The following TLE2 variants were observed in gnomAD, a reference collection of about 807,000 sequenced individuals.
The protein encoded by TLE2 is transducin-like enhancer protein 2.
In TLE2, 74 loss-of-function variants were observed where a neutral mutation model predicts 97.2. The observed-to-expected ratio is 0.76, with a 90% CI of 0.63 to 0.92. TLE2 has a LOEUF of 0.92. Among genes scored for constraint, TLE2 ranks in the 40% least tolerant of loss-of-function variants. The pLI is 0.00. For synonymous variants in TLE2, 499 were observed against 432.1 expected (o/e 1.15, Z -1.92); for missense variants, 1,038 against 1,008.7 (o/e 1.03, Z -0.39).
Position 2,998,899 on chromosome 19 carries a change from G to A in TLE2, c.2125-944C>T, listed in dbSNP as rs114201443. Among the ~76,000 whole-genome samples, 756 of 152,312 alleles carry A rather than the reference G, an allele frequency of 5.0e-3. 13 individuals carry two copies. Among genetic ancestry groups the A allele is most frequent in the African/African-American group, 0.017 (690 of 41,568 alleles). ...GGGCCAAGGCAATGGCTTAGACCAGGGATCAGCAAACTTCACAAAGGGCCT... is the reference window on the plus strand; with the variant it reads ...GGGCCAAGGCAATGGCTTAGACCAGAGATCAGCAAACTTCACAAAGGGCCT... On this transcript the variant is annotated intron_variant, in intron 19 of 19. Coordinates refer to ENST00000262953, the MANE Select transcript of TLE2 (RefSeq NM_003260.5).
chr19:3,010,990 T>C, intron 12 of TLE2, 32 bp downstream of exon 12: 2 of 1,589,116 alleles, frequency 1.3e-6, no homozygotes, highest in Non-Finnish European at 1.7e-6. Context: ...CGAGGCCTGC[T>C]CCAGACAGGC....
intron 11 of TLE2, among the ~76,000 whole-genome samples, chr19:3,012,127 T>C (rs962009519): frequency 6.6e-6 from 1 of 151,402 alleles, no homozygotes; most frequent in African/African-American, 2.4e-5. Flanking sequence ...GTGCCTGTAG[T>C]CCCAGCTACC....
Position 3,006,784 on chromosome 19 carries a change from T to C in TLE2, c.1251-115A>G. ...TGGCACCCTCTGATGTGTTTTTTAT[T>C]TTTTGTTTTGTTTTTTGAGAGGGAG... is the stretch of plus-strand genomic sequence containing the variant. On this transcript the variant is annotated intron_variant, in intron 14 of 19. Transcript: ENST00000262953. 4.2e-6 allele frequency: 6 copies of C among 1,425,732 alleles called. 1 individual carries two copies. In the South Asian group the frequency reaches 9.0e-5, roughly 21 times the overall value. 88.3% of individuals were successfully genotyped at this position (1,425,732 alleles called of 1,614,324 possible).
intron 17 of TLE2, 68 bp downstream of exon 17, chr19:3,005,362 GGCACCTC>G: frequency 6.5e-7 from 1 of 1,544,938 alleles, no homozygotes. Context: ...TCTGGAAGTG[GGCACCTC>G]ACAAGGAGAG....
intron 7 of TLE2, among the ~76,000 whole-genome samples, chr19:3,018,539 C>T (rs1185187902): frequency 2.0e-5 from 3 of 151,978 alleles, no homozygotes; most frequent in Admixed American, 6.6e-5. Flanking sequence ...GTGATCTGCC[C>T]GCCTCGGTCT....
chr19:3,022,255 C>T (rs1217020332), intron 5 of TLE2, among the ~76,000 whole-genome samples: 1 of 152,026 alleles, frequency 6.6e-6, no homozygotes, highest in East Asian at 1.9e-4. Context: ...GGTGCGGTGG[C>T]TCACGCGTGT....
At chr19:3,015,892 T>C (rs1340594100) in intron 8 of TLE2, 132 bp from the exon 9 acceptor site, 1 of 729,794 alleles carries the variant, frequency 1.4e-6, no homozygotes, top group Non-Finnish European at 2.4e-6. Flanking sequence ...ATCTGGGAAA[T>C]GGGAGCTTCC....
chr19:3,017,361 C>T (rs1336650274), intron 8 of TLE2, among the ~76,000 whole-genome samples: 2 of 151,858 alleles, frequency 1.3e-5, no homozygotes, highest in Non-Finnish European at 2.9e-5. Context: ...TGCTTTTGAA[C>T]TCCTGGCCTC....
chr19:3,042,425 G>A (rs1426152912), intron 1 of TLE2, among the ~76,000 whole-genome samples: 2 of 127,508 alleles, frequency 1.6e-5, no homozygotes, highest in Admixed American at 1.5e-4. Context: ...CTGGGAGGAC[G>A]GTGGGCCTGG....
At chr19:3,024,282 A>T (rs1390775030) in intron 5 of TLE2, among the ~76,000 whole-genome samples, 2 of 151,954 alleles carry the variant, frequency 1.3e-5, no homozygotes, top group Non-Finnish European at 2.9e-5. Context: ...CTGGGATTAC[A>T]GGCAGGAGCC....
intron 1 of TLE2, among the ~76,000 whole-genome samples, chr19:3,034,445 C>G (rs970386847): frequency 2.6e-5 from 4 of 151,834 alleles, no homozygotes; most frequent in African/African-American, 9.7e-5. Context: ...CTTCCTCCAC[C>G]AGATCACACC....
intron 1 of TLE2, among the ~76,000 whole-genome samples, chr19:3,039,555 CCCT>C (rs2090085295): frequency 6.6e-6 from 1 of 152,142 alleles, no homozygotes; most frequent in Non-Finnish European, 1.5e-5. Context: ...AGAGTAGCTC[CCCT>C]CCTCCTACCT....
intron 12 of TLE2, 73 bp from the exon 13 acceptor site, chr19:3,009,775 C>G (rs2089553738): frequency 1.3e-6 from 2 of 1,517,652 alleles, no homozygotes; most frequent in African/African-American, 2.8e-5. Context: ...CTTGGGAGCT[C>G]CCTGGCCTTT....
chr19:2,999,281 CA>C (rs998852420), intron 19 of TLE2, among the ~76,000 whole-genome samples: 5 of 150,530 alleles, frequency 3.3e-5, no homozygotes, highest in Admixed American at 6.6e-5. Context: ...GACTCCGTGT[CA>C]AAAAAACAAA....
At position 3,008,914 on chromosome 19, in the gene TLE2, C is replaced by T. The variant is rs750883525; in HGVS notation, c.1205G>A (p.Gly402Glu). The T allele has an allele frequency of 1.3e-6, 2 of 1,595,070 alleles. No individual in the cohort carries two copies. The highest frequency in any genetic ancestry group is 1.1e-5 in the South Asian group (1 of 87,438). ...GGGTAGGGAGGAAGAGACGGATGAC[C>T]CTCGGAGATGGGGATGAGACTCAAA... ...MAFESHPHLR[G>E]SSVSSSLPSI... is the part of the protein sequence containing the mutation. The change falls in exon 14 of 20, where the codon GGG becomes GAG. Residue 402 changes from glycine to glutamate, a missense_variant. Physicochemically the swap from Gly to Glu is moderately conservative, Grantham distance 98 (BLOSUM62 -2). Transcript: ENST00000262953.
intron 9 of TLE2, 44 bp downstream of exon 9, chr19:3,015,608 TG>T: frequency 6.7e-7 from 1 of 1,500,608 alleles, no homozygotes; most frequent in Non-Finnish European, 9.1e-7. Flanking sequence ...CAGGCTGGTC[TG>T]GGCCATGCAC....
intron 8 of TLE2, 124 bp from the exon 9 acceptor site, chr19:3,015,884 C>G (rs1389597595): frequency 1.3e-6 from 1 of 748,872 alleles, no homozygotes; most frequent in East Asian, 2.7e-5. Flanking sequence ...AGCTTCCCAT[C>G]TGGGAAATGG....
chr19:3,040,548 A>G (rs1017173949), intron 1 of TLE2, among the ~76,000 whole-genome samples: 8 of 151,990 alleles, frequency 5.3e-5, no homozygotes, highest in African/African-American at 1.7e-4. Flanking sequence ...CATGTTACCC[A>G]GGCTGGTTTC....
At position 3,042,293 on chromosome 19, in the gene TLE2, G is replaced by A. The variant is rs561886667; in HGVS notation, c.63+3433C>T. On this transcript the variant is annotated intron_variant, in intron 1 of 18. Transcript: ENST00000426948. ...CCCTGTGGAGGGGCAGGGAGGAAGG[G>A]GGGGCGGTGAGGTGCGGGGGAGGGG... is the stretch of plus-strand genomic sequence containing the variant. 4.0e-5 allele frequency among the ~76,000 whole-genome samples: 5 copies of A among 124,340 alleles called. 1 individual carries two copies. In the South Asian group the frequency reaches 1.3e-3, roughly 31 times the overall value. 81.6% of individuals were successfully genotyped at this position (124,340 alleles called of 152,430 possible). A position where few individuals can be genotyped will look rare whatever the true frequency, so the allele number is the denominator to read the frequency against.
Sources: gnomAD v4.1 joint callset for allele counts (sites outside exome capture counted in the v4.1 genomes callset) on GRCh38, gnomAD v4.1.1 for gene constraint, MANE v1.5 for transcripts, NCBI Gene and HGNC (gene_info 2026-07-23, HGNC 2026-07-21) for gene names.